Variants in PCNX1 observed in about 807,000 individuals in gnomAD.
PCNX1 encodes pecanex-like protein 1.
In PCNX1, 78 loss-of-function variants were observed where a neutral mutation model predicts 242.2. The ratio of observed to expected loss-of-function variants is 0.32; its 90% CI spans 0.27 to 0.39. PCNX1 has a LOEUF of 0.39. Among genes scored for constraint, PCNX1 ranks in the 10% least tolerant of loss-of-function variants. The probability of loss-of-function intolerance (pLI) is 1.00; values close to 1 mark genes in which losing one functional copy is unlikely to be tolerated. For synonymous variants in PCNX1, 1,024 were observed against 1,032.9 expected, an observed-to-expected ratio of 0.99 and a Z score of 0.17; for missense variants, 2,581 against 2,856.5, an observed-to-expected ratio of 0.90 and a Z score of 2.20.
intron 16 of PCNX1, among the ~76,000 whole-genome samples, chr14:71,029,860 T>C (rs1445424638): frequency 6.6e-6 from 1 of 152,238 alleles, no homozygotes; most frequent in East Asian, 1.9e-4. Context: ...CTGGATCATT[T>C]AGTTTTAATT....
chr14:71,041,516 C>T (rs946840022), intron 19 of PCNX1, among the ~76,000 whole-genome samples: 6 of 152,056 alleles, frequency 3.9e-5, no homozygotes, highest in Non-Finnish European at 7.4e-5. Flanking sequence ...ACTAATGATA[C>T]TCTGAATTTT....
chr14:70,989,841 G>T (rs1314665423), intron 7 of PCNX1, among the ~76,000 whole-genome samples: 1 of 152,042 alleles, frequency 6.6e-6, no homozygotes, highest in South Asian at 2.1e-4. Context: ...CCCAAAAATG[G>T]ATATACATAC....
intron 34 of PCNX1, 141 bp downstream of exon 34, chr14:71,109,187 T>A (rs972086139): frequency 6.6e-6 from 6 of 906,596 alleles, no homozygotes; most frequent in African/African-American, 5.0e-5. Context: ...TGGGGAAAAA[T>A]TTCTTCAAAC....
intron 1 of PCNX1, 182 bp from the exon 2 acceptor site, chr14:70,946,733 G>A (rs1167533671): frequency 2.9e-5 from 16 of 556,254 alleles, no homozygotes; most frequent in Non-Finnish European, 4.8e-5. Flanking sequence ...TTACTCAGTA[G>A]CCACATGTAG....
intron 8 of PCNX1, among the ~76,000 whole-genome samples, chr14:71,003,436 T>C (rs2059568562): frequency 6.6e-6 from 1 of 152,154 alleles, no homozygotes; most frequent in South Asian, 2.1e-4. Context: ...TCTTTTGATA[T>C]TTTAAATACA....
chr14:70,963,674 AAC>A (rs1478466061), intron 3 of PCNX1, among the ~76,000 whole-genome samples: 1 of 152,226 alleles, frequency 6.6e-6, no homozygotes, highest in Non-Finnish European at 1.5e-5. Flanking sequence ...TATTAAAGGT[AAC>A]AGTTTTGAAC....
intron 8 of PCNX1, among the ~76,000 whole-genome samples, chr14:70,998,750 CAAAAAAAAAAAAA>C (rs34044438): frequency 1.1e-5 from 1 of 89,090 alleles, no homozygotes; most frequent in African/African-American, 4.0e-5. Flanking sequence ...GACCCTATCT[CAAAAAAAAAAAAA>C]AAAAAAAAAG....
intron 3 of PCNX1, among the ~76,000 whole-genome samples, chr14:70,962,878 A>G (rs577012633): frequency 6.6e-6 from 1 of 152,330 alleles, no homozygotes; most frequent in African/African-American, 2.4e-5. Flanking sequence ...AAATACCCGT[A>G]CACTAATCAA....
Position 71,011,358 on chromosome 14 carries a change from A to C in PCNX1, c.2721-134A>C, listed in dbSNP as rs2059816078. On this transcript the variant is annotated intron_variant, in intron 9 of 35. Coordinates refer to ENST00000304743, the MANE Select transcript of PCNX1 (RefSeq NM_014982.3). ...ACCCAGAGTCTATGTGCTTATCACA[A>C]CTCTAGGAAAATGCTATTTTGCATT... is the stretch of plus-strand genomic sequence containing the variant. The C allele has an allele frequency of 1.4e-5, 9 of 663,082 alleles. 1 individual carries two copies. In the East Asian group the frequency reaches 2.5e-4, roughly 18 times the overall value. 41.1% of individuals were successfully genotyped at this position (663,082 alleles called of 1,614,324 possible).
rs368801850 is a variant in PCNX1 at position 70,930,271 on chromosome 14, A to G, written c.154-16644A>G. Among the ~76,000 whole-genome samples the G allele has an allele frequency of 5.9e-5, 9 of 152,266 alleles. No homozygotes were observed. In the East Asian group the frequency reaches 1.5e-3, roughly 26 times the overall value. ...AGCAGTCCTACCACCTCAGCCTTCCAAAGAGCTGGGGCTACAGGCGAATGT... is the reference window on the plus strand; with the variant it reads ...AGCAGTCCTACCACCTCAGCCTTCCGAAGAGCTGGGGCTACAGGCGAATGT... On this transcript the variant is annotated intron_variant, in intron 1 of 35. Coordinates refer to ENST00000304743, the MANE Select transcript of PCNX1 (RefSeq NM_014982.3).
rs2061350984 is a variant in PCNX1, at chr14:71,062,481, T to G, written c.4852+4757T>G. 2.0e-5 allele frequency among the ~76,000 whole-genome samples: 3 copies of G among 151,870 alleles called. No individual in the cohort carries two copies. In the South Asian group the frequency reaches 6.2e-4, roughly 31 times the overall value. ...CATTTTAAAATGTTTAAAAAATTTT[T>G]TAACAAAAAAGTTTAAAAATTAAAA... On this transcript the variant is annotated intron_variant, in intron 26 of 35. Transcript: ENST00000304743.
intron 1 of PCNX1, among the ~76,000 whole-genome samples, chr14:70,938,735 T>C (rs2057111371): frequency 6.6e-6 from 1 of 152,212 alleles, no homozygotes. Flanking sequence ...TCTGGTAGAA[T>C]TTGGCTGTGA....
intron 27 of PCNX1, 27 bp from the exon 28 acceptor site, chr14:71,076,162 C>CTTTTTTTTTTTTTTTT: frequency 3.4e-6 from 4 of 1,167,482 alleles, no homozygotes; most frequent in Non-Finnish European, 2.4e-6. Flanking sequence ...AATCTGAATT[C>CTTTTTTTTTTTTTTTT]TTTTTTTTTT....
At chr14:71,007,289 G>A (rs1013111749) in intron 8 of PCNX1, among the ~76,000 whole-genome samples, 5 of 151,620 alleles carry the variant, frequency 3.3e-5, no homozygotes, top group Non-Finnish European at 7.4e-5. Flanking sequence ...CAACATGGTA[G>A]TATAATGACA....
At chr14:71,026,045 A>G in intron 13 of PCNX1, 72 bp from the exon 14 acceptor site, 2 of 909,836 alleles carry the variant, frequency 2.2e-6, no homozygotes, top group South Asian at 4.6e-5. Flanking sequence ...GAATAAAGCC[A>G]TCAGTGATAC....
intron 7 of PCNX1, among the ~76,000 whole-genome samples, chr14:70,990,538 C>T (rs1409820350): frequency 6.0e-5 from 9 of 150,568 alleles, no homozygotes; most frequent in African/African-American, 2.2e-4. Flanking sequence ...GCACTCCAGC[C>T]TAGGTGACAG....
chr14:70,968,095 T>G, intron 3 of PCNX1, 103 bp from the exon 4 acceptor site: 1 of 817,090 alleles, frequency 1.2e-6, no homozygotes, highest in Non-Finnish European at 2.1e-6. Flanking sequence ...ATCGATAACA[T>G]GTTTTGATCA....
intron 28 of PCNX1, among the ~76,000 whole-genome samples, chr14:71,086,535 T>A (rs1382890850): frequency 6.6e-6 from 1 of 152,250 alleles, no homozygotes; most frequent in Non-Finnish European, 1.5e-5. Context: ...GAGCAGCTGT[T>A]AGTCTGGGGC....
chr14:70,915,390 A>G (rs1207121011), intron 1 of PCNX1, among the ~76,000 whole-genome samples: 1 of 152,202 alleles, frequency 6.6e-6, no homozygotes, highest in Non-Finnish European at 1.5e-5. Flanking sequence ...AGATAAGTAA[A>G]AAGAAAATAC....
Sources: allele counts gnomAD v4.1 joint callset (sites outside exome capture counted in the v4.1 genomes callset), GRCh38; gene constraint gnomAD v4.1.1; transcripts MANE v1.5; gene names NCBI Gene and HGNC (gene_info 2026-07-23, HGNC 2026-07-21).